FAM76A: variants seen among roughly 807,000 people sequenced by gnomAD.
FAM76A encodes protein FAM76A.
A neutral mutation model predicts 46.2 loss-of-function variants in FAM76A; 32 were observed. The ratio of observed to expected loss-of-function variants is 0.69; its 90% CI spans 0.52 to 0.93. The LOEUF (loss-of-function observed/expected upper bound fraction) is 0.93, where lower values mean the gene tolerates loss of function less well. Ranked by LOEUF, FAM76A falls within the 40% of genes least tolerant of loss-of-function variation. The probability of loss-of-function intolerance (pLI) is 0.00; values close to 1 mark genes in which losing one functional copy is unlikely to be tolerated. For synonymous variants in FAM76A, 137 were observed against 127.0 expected, an observed-to-expected ratio of 1.08 and a Z score of -0.53; for missense variants, 274 against 361.5, an observed-to-expected ratio of 0.76 and a Z score of 1.96.
At chr1:27,753,202 G>T (rs578142591) in intron 6 of FAM76A, among the ~76,000 whole-genome samples, 10 of 152,278 alleles carry the variant, frequency 6.6e-5, no homozygotes, top group African/African-American at 2.2e-4. Context: ...AGAAAAGAGA[G>T]AGTTAGTGAG....
chr1:27,741,132 C>CA (rs1331913991), intron 4 of FAM76A, among the ~76,000 whole-genome samples: 2,814 of 91,182 alleles, frequency 0.031, 59 homozygotes, highest in African/African-American at 0.078. Context: ...AACTCCGTCT[C>CA]AAAAAAAAAA....
intron 4 of FAM76A, among the ~76,000 whole-genome samples, chr1:27,743,887 A>G (rs1277602622): frequency 6.6e-6 from 1 of 151,970 alleles, no homozygotes; most frequent in Non-Finnish European, 1.5e-5. Flanking sequence ...GTTGTAGTGT[A>G]CTACAATCAC....
chr1:27,740,597 G>C, intron 4 of FAM76A: 2 of 828,854 alleles, frequency 2.4e-6, no homozygotes, highest in East Asian at 5.2e-5. Flanking sequence ...TATATGTTCA[G>C]AAGCCACTCA....
chr1:27,762,886 C>A lies in FAM76A; in HGVS notation c.*2305C>A, dbSNP rs759587799. Reference sequence around the variant, plus strand: ...GCATTTAATATAAAGCAAATTCACACGTTTTCTAACTTTCCATAAGTTCCA... The same window carrying A: ...GCATTTAATATAAAGCAAATTCACAAGTTTTCTAACTTTCCATAAGTTCCA... On this transcript the variant is annotated 3_prime_UTR_variant, in exon 9 of 9. Coordinates refer to ENST00000373954, the MANE Select transcript of FAM76A (RefSeq NM_152660.3). 1 of 151,942 alleles carries A rather than the reference C, an allele frequency of 6.6e-6. No homozygotes were observed. Among genetic ancestry groups the A allele is most frequent in the Non-Finnish European group, 1.5e-5 (1 of 67,996 alleles). 9.4% of individuals were successfully genotyped at this position (151,942 alleles called of 1,614,324 possible). A position where few individuals can be genotyped will look rare whatever the true frequency, so the allele number is the denominator to read the frequency against.
In FAM76A at chr1:27,746,633, A is replaced by G. The variant is rs549123641; in HGVS notation, c.512+1822A>G. On this transcript the variant is annotated intron_variant, in intron 5 of 8. Coordinates refer to ENST00000373954, the MANE Select transcript of FAM76A (RefSeq NM_152660.3). Reference sequence around the variant, plus strand: ...TCCCAGCTACTCAGGAGGCTGAGGCAGGAGAATCGCTTGAACCCAGGAGGC... The same window carrying G: ...TCCCAGCTACTCAGGAGGCTGAGGCGGGAGAATCGCTTGAACCCAGGAGGC... 2.0e-5 allele frequency among the ~76,000 whole-genome samples: 3 copies of G among 152,320 alleles called. No homozygotes were observed. In the East Asian group the frequency reaches 5.8e-4, roughly 29 times the overall value.
At chr1:27,732,124 A>G (rs1010546521) in intron 2 of FAM76A, among the ~76,000 whole-genome samples, 4 of 152,174 alleles carry the variant, frequency 2.6e-5, no homozygotes, top group Non-Finnish European at 5.9e-5. Context: ...GCCCAGCCAC[A>G]TAATAATTAA....
chr1:27,735,308 C>A (rs981444860), intron 4 of FAM76A, among the ~76,000 whole-genome samples: 22 of 152,198 alleles, frequency 1.4e-4, no homozygotes, highest in African/African-American at 5.1e-4. Flanking sequence ...TCTCACATAT[C>A]GAAAACTAGT....
intron 5 of FAM76A, among the ~76,000 whole-genome samples, chr1:27,747,919 C>CA (rs1344636166): frequency 6.6e-6 from 1 of 151,228 alleles, no homozygotes; most frequent in Non-Finnish European, 1.5e-5. Flanking sequence ...GACTCCATCT[C>CA]AAAAAAATAA....
rs1332289640 is a variant in FAM76A at position 27,745,663 on chromosome 1, T to G, written c.512+852T>G. Among the ~76,000 whole-genome samples, 3 of 152,114 alleles carry G rather than the reference T, an allele frequency of 2.0e-5. No individual in the cohort carries two copies. The East Asian group carries it at 5.8e-4, about 29-fold the overall frequency. ...TACCACAGTGGAAACGTGTCAAGAA[T>G]GCAGACATGAGGGTAGTAATTAACT... On this transcript the variant is annotated intron_variant, in intron 5 of 8. Transcript: ENST00000373954.
At chr1:27,729,660 A>C (rs2087922565) in intron 2 of FAM76A, among the ~76,000 whole-genome samples, 3 of 152,160 alleles carry the variant, frequency 2.0e-5, no homozygotes, top group Admixed American at 2.0e-4. Context: ...AATTCATTTT[A>C]TTTCTGATGT....
chr1:27,731,078 G>A (rs2087948714), intron 2 of FAM76A, among the ~76,000 whole-genome samples: 1 of 152,008 alleles, frequency 6.6e-6, no homozygotes, highest in South Asian at 2.1e-4. Context: ...TTTATTTGAA[G>A]ATGATTTTTC....
intron 8 of FAM76A, chr1:27,759,928 C>A (rs1422590429): frequency 2.0e-6 from 1 of 489,960 alleles, no homozygotes; most frequent in Non-Finnish European, 4.0e-6. Flanking sequence ...CCACCATACC[C>A]CACTAATTTA....
Position 27,749,174 on chromosome 1 carries a change from T to G in FAM76A, c.599+20T>G. 1 of 1,543,548 alleles carries G rather than the reference T, an allele frequency of 6.5e-7. No individual in the cohort carries two copies. Among genetic ancestry groups the G allele is most frequent in the Non-Finnish European group, 8.8e-7 (1 of 1,133,504 alleles). ...AGACAGGTGAGCCAGTTGGAGTATG[T>G]GTGCGCACACATTTGAAATGCATAC... On this transcript the variant is annotated intron_variant, in intron 6 of 8. Transcript: ENST00000373954.
intron 4 of FAM76A, among the ~76,000 whole-genome samples, chr1:27,737,136 G>A (rs1008610578): frequency 3.5e-4 from 53 of 151,840 alleles, no homozygotes; most frequent in African/African-American, 1.2e-3. Context: ...TTTAGTAGAG[G>A]CAGGGTTTCT....
intron 5 of FAM76A, among the ~76,000 whole-genome samples, chr1:27,745,128 ACAGCTTTTTCAATGCATAT>A (rs1235451787): frequency 5.3e-5 from 8 of 152,178 alleles, no homozygotes; most frequent in Non-Finnish European, 1.2e-4. Flanking sequence ...TCTGAGAGAT[ACAGCTTTTTCAATGCATAT>A]TTAGCCAGGA....
intron 4 of FAM76A, chr1:27,740,376 C>G: frequency 8.2e-7 from 1 of 1,226,966 alleles, no homozygotes. Flanking sequence ...CACAGTGGAA[C>G]CTGGGTTTGG....
chr1:27,759,541 G>A lies in FAM76A; in HGVS notation c.751G>A (p.Ala251Thr). The A allele has an allele frequency of 1.2e-6, 2 of 1,612,586 alleles. No individual in the cohort carries two copies. Among genetic ancestry groups the A allele is most frequent in the Non-Finnish European group, 1.7e-6 (2 of 1,179,276 alleles). The change falls in exon 8 of 9, where the codon GCT becomes ACT. Residue 251 changes from alanine (A) to threonine (T), a missense_variant. Coordinates refer to ENST00000373954, the MANE Select transcript of FAM76A (RefSeq NM_152660.3). ...EKEKKITELK[A>T]DFQYQESQMR... ...TTTCCCTCAGATTACAGAGTTGAAG[G>A]CTGATTTTCAGTACCAGGAATCGCA...
Position 27,762,886 on chromosome 1 carries a change from C to T in FAM76A, c.*2305C>T, listed in dbSNP as rs759587799. 1.3e-5 allele frequency: 2 copies of T among 151,942 alleles called. No homozygotes were observed. Among genetic ancestry groups the T allele is most frequent in the East Asian group, 1.9e-4 (1 of 5,182 alleles). 9.4% of individuals were successfully genotyped at this position (151,942 alleles called of 1,614,324 possible). A position where few individuals can be genotyped will look rare whatever the true frequency, so the allele number is the denominator to read the frequency against. On this transcript the variant is annotated 3_prime_UTR_variant, in exon 9 of 9. Coordinates refer to ENST00000373954, the MANE Select transcript of FAM76A (RefSeq NM_152660.3). ...GCATTTAATATAAAGCAAATTCACA[C>T]GTTTTCTAACTTTCCATAAGTTCCA...
In FAM76A at chr1:27,760,877, CTT is replaced by C; in HGVS notation, c.*318_*319del. 0.013 allele frequency: 327 copies of C among 25,088 alleles called. 1 individual carries two copies. The highest frequency in any genetic ancestry group is 0.058 in the African/African-American group (311 of 5,326). The allele number at this position is 25,088 out of a possible 1,614,324, so 1.6% of individuals were successfully genotyped here. On this transcript the variant is annotated 3_prime_UTR_variant, in exon 9 of 9. Transcript: ENST00000373954. Reference sequence around the variant, plus strand: ...GTTCTATTCTTTTTTTTTCTTTTTTCTTTTTTTTTTTTTTTTTTTTTTTGTGG... The same window carrying C: ...GTTCTATTCTTTTTTTTTCTTTTTTCTTTTTTTTTTTTTTTTTTTTTGTGG...
Sources: allele counts gnomAD v4.1 joint callset (sites outside exome capture counted in the v4.1 genomes callset), GRCh38; gene constraint gnomAD v4.1.1; transcripts MANE v1.5; gene names NCBI Gene and HGNC (gene_info 2026-07-23, HGNC 2026-07-21).